Variants in STAG2 observed in about 807,000 individuals in gnomAD.
The protein encoded by STAG2 is cohesin subunit SA-2.
STAG2 carries 14 observed loss-of-function variants against 108.1 expected under a neutral mutation model. That is an observed-to-expected ratio of 0.13 (90% CI 0.09 to 0.20). The LOEUF is 0.20. Among genes scored for constraint, STAG2 ranks in the 10% least tolerant of loss-of-function variants. The probability of loss-of-function intolerance (pLI) is 1.00; values close to 1 mark genes in which losing one functional copy is unlikely to be tolerated. For synonymous variants in STAG2, 307 were observed against 302.7 expected (o/e 1.01, Z -0.15); for missense variants, 440 against 940.9 (o/e 0.47, Z 6.96).
At chrX:124,087,409 A>G (rs1446975864) in intron 30 of STAG2, among the ~76,000 whole-genome samples, 2 of 111,829 alleles carry the variant, frequency 1.8e-5, no homozygotes, top group Non-Finnish European at 3.8e-5. Flanking sequence ...TTGAATAGCA[A>G]ATTACCTCAA....
intron 1 of STAG2, among the ~76,000 whole-genome samples, chrX:123,976,065 G>T (rs1163815645): frequency 8.9e-6 from 1 of 111,921 alleles, no homozygotes; most frequent in African/African-American, 3.3e-5. Flanking sequence ...TAGGAGCCCA[G>T]GAGTTCCAGA....
At chrX:124,030,545 A>G (rs1457337541) in intron 4 of STAG2, among the ~76,000 whole-genome samples, 1 of 112,072 alleles carries the variant, frequency 8.9e-6, no homozygotes, top group Non-Finnish European at 1.9e-5. Context: ...TGACTTTATT[A>G]TATGCTGGGT....
rs757301479 is a variant in STAG2, at chrX:124,021,989, A to AT, written c.-97-539dup. 6.3e-5 allele frequency among the ~76,000 whole-genome samples: 7 copies of AT among 111,280 alleles called. No individual in the cohort carries two copies. In the East Asian group the frequency reaches 1.1e-3, roughly 18 times the overall value. On this transcript the variant is annotated intron_variant, in intron 2 of 34. Coordinates refer to ENST00000371145, the MANE Select transcript of STAG2 (RefSeq NM_001042750.2). ...AAGCCAGGCGGAGAATCACAAGAAA[A>AT]TTTAAAAACAATTGTTTTATAAGCT...
chrX:124,085,387 G>C (rs192312393), intron 29 of STAG2, among the ~76,000 whole-genome samples: 2 of 111,201 alleles, frequency 1.8e-5, no homozygotes, highest in Non-Finnish European at 3.8e-5. Context: ...CTCAAGTTTT[G>C]TATCTTGTTG....
At chrX:124,022,857 T>G (rs1366353372) in intron 3 of STAG2, among the ~76,000 whole-genome samples, 186 bp downstream of exon 3, 1 of 112,407 alleles carries the variant, frequency 8.9e-6, no homozygotes, top group Middle Eastern at 4.2e-3. Context: ...TGTACTTTTT[T>G]GTTGTTGTGT....
At chrX:123,979,571 G>A (rs1480761630) in intron 1 of STAG2, among the ~76,000 whole-genome samples, 3 of 111,366 alleles carry the variant, frequency 2.7e-5, no homozygotes, top group African/African-American at 9.8e-5. Context: ...CAGGTGTTTG[G>A]GCCTGTTTTG....
chrX:124,022,708 G>A (rs1404944107), intron 3 of STAG2, 37 bp downstream of exon 3: 3 of 979,552 alleles, frequency 3.1e-6, no homozygotes, highest in Non-Finnish European at 4.2e-6. Context: ...TTAAATACTT[G>A]TTTATTCCAC....
intron 7 of STAG2, among the ~76,000 whole-genome samples, chrX:124,042,996 CAG>C (rs1397573952): frequency 1.9e-5 from 2 of 104,259 alleles, no homozygotes; most frequent in Non-Finnish European, 3.9e-5. Flanking sequence ...GCCTGGGCAA[CAG>C]AGTGAGACTC....
chrX:124,092,595 G>A (rs903591317), intron 32 of STAG2, among the ~76,000 whole-genome samples: 5 of 112,175 alleles, frequency 4.5e-5, no homozygotes, highest in African/African-American at 1.6e-4. Context: ...TCAGTTAAAT[G>A]ACTATTACCA....
In STAG2 at chrX:124,004,102, TC is replaced by T. The variant is rs760295286; in HGVS notation, c.-162-17264del. On this transcript the variant is annotated intron_variant, in intron 1 of 34. Coordinates refer to ENST00000371145, the MANE Select transcript of STAG2 (RefSeq NM_001042750.2). ...ACCACCATCCATCTCTGGAACTTTT[TC>T]TTTTTTGAAAACTTTCTAGAGGTTC... Among the ~76,000 whole-genome samples, 3 of 112,080 alleles carry T rather than the reference TC, an allele frequency of 2.7e-5. No homozygotes were observed. The East Asian group carries it at 8.4e-4, about 31-fold the overall frequency.
At chrX:123,992,651 A>G (rs191459889) in intron 1 of STAG2, among the ~76,000 whole-genome samples, 1 of 110,481 alleles carries the variant, frequency 9.1e-6, no homozygotes, top group Admixed American at 9.7e-5. Flanking sequence ...CAATTCTCCA[A>G]CATCAACCTC....
At chrX:124,056,731 TAAA>T (rs771229412) in intron 14 of STAG2, among the ~76,000 whole-genome samples, 2 of 42,380 alleles carry the variant, frequency 4.7e-5, no homozygotes, top group Admixed American at 3.8e-4. Flanking sequence ...AGACTCCATC[TAAA>T]AAAAAAAAAA....
At position 124,047,146 on chromosome X, in the gene STAG2, C is replaced by T. The variant is rs775288981; in HGVS notation, c.668-208C>T. 2.9e-4 allele frequency among the ~76,000 whole-genome samples: 32 copies of T among 111,432 alleles called. 1 individual carries two copies. The South Asian group carries it at 0.01, about 36-fold the overall frequency. ...TGAATGAAATGGGTATAATACTTAC[C>T]TTTGAGAGGGCCATTGTGAGGATTA... On this transcript the variant is annotated intron_variant, in intron 8 of 34. Coordinates refer to ENST00000371145, the MANE Select transcript of STAG2 (RefSeq NM_001042750.2).
At chrX:124,078,949 A>C (rs1420043862) in intron 27 of STAG2, among the ~76,000 whole-genome samples, 1 of 107,666 alleles carries the variant, frequency 9.3e-6, no homozygotes, top group Non-Finnish European at 1.9e-5. Flanking sequence ...AGCCTGGGCG[A>C]CAGAGTGAGA....
At chrX:123,983,054 A>G (rs976163910) in intron 1 of STAG2, among the ~76,000 whole-genome samples, 2 of 111,145 alleles carry the variant, frequency 1.8e-5, no homozygotes, top group Non-Finnish European at 3.8e-5. Context: ...GAGATGTTAA[A>G]CAGTCCGTGC....
intron 4 of STAG2, among the ~76,000 whole-genome samples, chrX:124,028,985 T>TTATATATATA (rs376061447): frequency 3.1e-5 from 2 of 64,025 alleles, no homozygotes; most frequent in African/African-American, 1.4e-4. Flanking sequence ...TTATTTTTAT[T>TTATATATATA]TATATATATA....
intron 25 of STAG2, among the ~76,000 whole-genome samples, chrX:124,073,509 A>G (rs2058726240): frequency 9.0e-6 from 1 of 111,322 alleles, no homozygotes; most frequent in Non-Finnish European, 1.9e-5. Flanking sequence ...TGCAGCCTAA[A>G]TCTCCCAGGT....
At chrX:124,079,816 C>T (rs1469738332) in intron 27 of STAG2, among the ~76,000 whole-genome samples, 2 of 111,522 alleles carry the variant, frequency 1.8e-5, no homozygotes, top group East Asian at 2.8e-4. Context: ...CTTTTTTATG[C>T]GTACATGAAA....
intron 3 of STAG2, among the ~76,000 whole-genome samples, chrX:124,023,043 A>G (rs1446142055): frequency 8.9e-6 from 1 of 112,684 alleles, no homozygotes; most frequent in Non-Finnish European, 1.9e-5. Context: ...ATGTAATGTC[A>G]GATTTCTGTT....
Sources: allele counts gnomAD v4.1 joint callset (sites outside exome capture counted in the v4.1 genomes callset), GRCh38; gene constraint gnomAD v4.1.1; transcripts MANE v1.5; gene names NCBI Gene and HGNC (gene_info 2026-07-23, HGNC 2026-07-21).